Variants in SEMA3E observed in about 807,000 individuals in gnomAD.
SEMA3E encodes the protein semaphorin-3E.
In SEMA3E, 49 loss-of-function variants were observed where a neutral mutation model predicts 93.6. That is an observed-to-expected ratio of 0.52 (90% CI 0.42 to 0.66). SEMA3E has a LOEUF of 0.66. Ranked by LOEUF, SEMA3E falls within the 30% of genes least tolerant of loss-of-function variation. The pLI, the probability that SEMA3E is intolerant of heterozygous loss-of-function variation, is 0.00. For missense variants in SEMA3E, 906 were observed against 964.8 expected (o/e 0.94, Z 0.81); for synonymous variants, 363 against 330.7 (o/e 1.10, Z -1.06).
intron 1 of SEMA3E, among the ~76,000 whole-genome samples, chr7:83,625,433 C>T (rs894468968): frequency 6.6e-6 from 1 of 152,074 alleles, no homozygotes; most frequent in Non-Finnish European, 1.5e-5. Context: ...TTGAAGTGGT[C>T]CTTCACATTG....
At position 83,406,038 on chromosome 7, in the gene SEMA3E, T is replaced by A. The variant is rs777807238; in HGVS notation, c.835A>T (p.Ile279Leu). The change falls in exon 8 of 17, where the codon ATA becomes TTA. Residue 279 changes from isoleucine (I) to leucine (L), a missense_variant. Ile to Leu is a conservative substitution (Grantham distance 5). Transcript: ENST00000643230. ...LCVNDVGGQR[I>L]LVNKWSTFLK... is the part of the protein sequence containing the mutation. ...AAAGTGCTCCACTTATTCACCAGTATTCTCTGCCCTCCTACATCATTCTGT... is the reference window on the plus strand; with the variant it reads ...AAAGTGCTCCACTTATTCACCAGTAATCTCTGCCCTCCTACATCATTCTGT... The A allele has an allele frequency of 1.2e-6, 2 of 1,612,952 alleles. No homozygotes were observed. The highest frequency in any genetic ancestry group is 1.7e-6 in the Non-Finnish European group (2 of 1,179,100).
In SEMA3E at chr7:83,517,742, C is replaced by A. The variant is rs145925113; in HGVS notation, c.116-27468G>T. Among the ~76,000 whole-genome samples, 357 of 152,188 alleles carry A rather than the reference C, an allele frequency of 2.3e-3. 1 individual carries two copies. Among genetic ancestry groups the A allele is most frequent in the African/African-American group, 8.2e-3 (340 of 41,530 alleles). ...ACAATCAATGTGTATGGAAAAGTAC[C>A]TCCAGAGATCAAACTTTAGGCATTA... is the stretch of plus-strand genomic sequence containing the variant. On this transcript the variant is annotated intron_variant, in intron 1 of 16. Coordinates refer to ENST00000643230, the MANE Select transcript of SEMA3E (RefSeq NM_012431.3).
At chr7:83,536,323 G>A (rs551981681) in intron 1 of SEMA3E, among the ~76,000 whole-genome samples, 18 of 152,014 alleles carry the variant, frequency 1.2e-4, no homozygotes, top group African/African-American at 4.3e-4. Context: ...GAATGTCTTA[G>A]ACCAATGAAA....
At chr7:83,558,043 G>A (rs1791956725) in intron 1 of SEMA3E, among the ~76,000 whole-genome samples, 1 of 152,048 alleles carries the variant, frequency 6.6e-6, no homozygotes, top group Admixed American at 6.6e-5. Flanking sequence ...AAACATTTGA[G>A]GACCTTTTCC....
chr7:83,463,746 T>C (rs1407950247), intron 4 of SEMA3E, among the ~76,000 whole-genome samples: 1 of 152,132 alleles, frequency 6.6e-6, no homozygotes, highest in Non-Finnish European at 1.5e-5. Flanking sequence ...TCATTTCCTT[T>C]CCATCGTGGA....
chr7:83,631,089 A>G lies in SEMA3E; in HGVS notation c.115+17339T>C, dbSNP rs550255167. 2.0e-5 allele frequency among the ~76,000 whole-genome samples: 3 copies of G among 152,290 alleles called. No homozygotes were observed. The South Asian group carries it at 6.2e-4, about 32-fold the overall frequency. ...CAGTCACAGCTATGATGGTATTTTA[A>G]TTCTTCCATTCTGTTGTGACCATTC... On this transcript the variant is annotated intron_variant, in intron 1 of 16. Coordinates refer to ENST00000643230, the MANE Select transcript of SEMA3E (RefSeq NM_012431.3).
intron 16 of SEMA3E, among the ~76,000 whole-genome samples, chr7:83,383,005 C>G (rs950534051): frequency 1.3e-5 from 2 of 151,828 alleles, no homozygotes; most frequent in African/African-American, 4.8e-5. Context: ...GAGTTTGAAT[C>G]TGAACAGGCA....
intron 4 of SEMA3E, among the ~76,000 whole-genome samples, chr7:83,444,028 C>T (rs1420832478): frequency 2.6e-5 from 4 of 151,980 alleles, no homozygotes; most frequent in Admixed American, 2.0e-4. Flanking sequence ...ATGACAGTCT[C>T]TTGAGATACT....
At chr7:83,369,637 T>C (rs1232733843) in intron 16 of SEMA3E, among the ~76,000 whole-genome samples, 3 of 152,030 alleles carry the variant, frequency 2.0e-5, no homozygotes, top group Non-Finnish European at 2.9e-5. Flanking sequence ...AACTGGAGAG[T>C]GAAATCCTCC....
At chr7:83,407,060 G>C in intron 7 of SEMA3E, 37 bp downstream of exon 7, 1 of 1,611,642 alleles carries the variant, frequency 6.2e-7, no homozygotes, top group South Asian at 1.1e-5. Flanking sequence ...ACCATAAATT[G>C]TGAGATAAGC....
intron 1 of SEMA3E, among the ~76,000 whole-genome samples, chr7:83,567,155 A>C (rs1792179025): frequency 6.6e-6 from 1 of 152,190 alleles, no homozygotes; most frequent in African/African-American, 2.4e-5. Flanking sequence ...AAACAGTAAA[A>C]ATAGATGAAG....
intron 4 of SEMA3E, among the ~76,000 whole-genome samples, chr7:83,457,390 T>C (rs1165643750): frequency 6.6e-6 from 1 of 152,208 alleles, no homozygotes; most frequent in Non-Finnish European, 1.5e-5. Flanking sequence ...ATACTGGACA[T>C]CTGTTAGATT....
intron 1 of SEMA3E, among the ~76,000 whole-genome samples, chr7:83,541,751 G>A (rs1231056428): frequency 6.6e-6 from 1 of 152,070 alleles, no homozygotes; most frequent in African/African-American, 2.4e-5. Flanking sequence ...AAAGAGGATA[G>A]CATGACTCTG....
intron 1 of SEMA3E, among the ~76,000 whole-genome samples, chr7:83,582,741 ATTTTCTTCT>A (rs1792539888): frequency 6.6e-6 from 1 of 151,986 alleles, no homozygotes; most frequent in Non-Finnish European, 1.5e-5. Context: ...TTTTAGATAA[ATTTTCTTCT>A]TTACATAACA....
chr7:83,381,757 G>A (rs953969891), intron 16 of SEMA3E, among the ~76,000 whole-genome samples: 1 of 151,840 alleles, frequency 6.6e-6, no homozygotes, highest in Admixed American at 6.6e-5. Flanking sequence ...ATCTACATAG[G>A]CTCAAATGGT....
At chr7:83,583,716 T>C (rs1007076146) in intron 1 of SEMA3E, among the ~76,000 whole-genome samples, 1 of 152,188 alleles carries the variant, frequency 6.6e-6, no homozygotes, top group African/African-American at 2.4e-5. Flanking sequence ...ATTTTGTCTT[T>C]CATGTGATAT....
intron 10 of SEMA3E, 23 bp from the exon 11 acceptor site, chr7:83,400,273 A>C (rs1303710693): frequency 1.9e-6 from 3 of 1,608,020 alleles, no homozygotes; most frequent in South Asian, 1.1e-5. Flanking sequence ...TGGATCAGAT[A>C]ATTCTTTTTG....
At chr7:83,447,843 G>A (rs1789266988) in intron 4 of SEMA3E, among the ~76,000 whole-genome samples, 2 of 152,134 alleles carry the variant, frequency 1.3e-5, no homozygotes, top group East Asian at 1.9e-4. Flanking sequence ...ATTTATTTCT[G>A]TTTGAGGCTC....
At chr7:83,488,685 G>A (rs994652089) in intron 2 of SEMA3E, among the ~76,000 whole-genome samples, 4 of 152,104 alleles carry the variant, frequency 2.6e-5, no homozygotes, top group South Asian at 2.1e-4. Context: ...CAGACTATAG[G>A]TGGTGGGCCT....
Sources: gnomAD v4.1 joint callset for allele counts (sites outside exome capture counted in the v4.1 genomes callset) on GRCh38, gnomAD v4.1.1 for gene constraint, MANE v1.5 for transcripts, NCBI Gene and HGNC (gene_info 2026-07-23, HGNC 2026-07-21) for gene names.